VKORC1L1: variants seen among roughly 807,000 people sequenced by gnomAD.
VKORC1L1 encodes the protein vitamin K epoxide reductase complex subunit 1-like protein 1.
In VKORC1L1, 2 loss-of-function variants were observed where a neutral mutation model predicts 18.9. The observed-to-expected ratio is 0.11, with a 90% CI of 0.04 to 0.33. The LOEUF is 0.33. Ranked by LOEUF, VKORC1L1 falls within the 10% of genes least tolerant of loss-of-function variation. The pLI is 1.00. For missense variants in VKORC1L1, 123 were observed against 224.1 expected (o/e 0.55, Z 2.88); for synonymous variants, 96 against 100.0 (o/e 0.96, Z 0.24).
intron 1 of VKORC1L1, among the ~76,000 whole-genome samples, chr7:65,933,173 TGTA>T (rs1789886890): frequency 6.6e-6 from 1 of 151,910 alleles, no homozygotes; most frequent in Non-Finnish European, 1.5e-5. Context: ...TCTTCAGACC[TGTA>T]TCCTTTCTGA....
At chr7:65,929,685 TA>T (rs1489436770) in intron 1 of VKORC1L1, among the ~76,000 whole-genome samples, 1 of 145,660 alleles carries the variant, frequency 6.9e-6, no homozygotes, top group Non-Finnish European at 1.5e-5. Context: ...TGTGTGTGTA[TA>T]TATATATATA....
chr7:65,917,591 CAT>C (rs530341975), intron 1 of VKORC1L1, among the ~76,000 whole-genome samples: 1 of 151,880 alleles, frequency 6.6e-6, no homozygotes, highest in Non-Finnish European at 1.5e-5. Context: ...AAATATGAAA[CAT>C]ACAGAAAACT....
chr7:65,886,713 A>T (rs1440088791), intron 1 of VKORC1L1, among the ~76,000 whole-genome samples: 1 of 148,492 alleles, frequency 6.7e-6, no homozygotes, highest in Non-Finnish European at 1.5e-5. Context: ...AATTTTTTAT[A>T]TTTTTAGTAG....
At position 65,940,783 on chromosome 7, in the gene VKORC1L1, A is replaced by G. The variant is rs568051904; in HGVS notation, c.195-7888A>G. 2.2e-4 allele frequency among the ~76,000 whole-genome samples: 33 copies of G among 152,352 alleles called. No homozygotes were observed. In the South Asian group the frequency reaches 6.8e-3, roughly 32 times the overall value. ...ATAAATTCATAACTCCATGAAAAGC[A>G]ATTTGTGCTCAAAAGGAAATATGAT... On this transcript the variant is annotated intron_variant, in intron 1 of 2. Coordinates refer to ENST00000360768, the MANE Select transcript of VKORC1L1 (RefSeq NM_173517.6).
chr7:65,884,596 C>T (rs571984291), intron 1 of VKORC1L1, among the ~76,000 whole-genome samples: 1 of 152,286 alleles, frequency 6.6e-6, no homozygotes, highest in African/African-American at 2.4e-5. Flanking sequence ...GAGATCATGC[C>T]ATTGTACTTC....
At chr7:65,894,499 C>T (rs1562986065) in intron 1 of VKORC1L1, among the ~76,000 whole-genome samples, 1 of 152,234 alleles carries the variant, frequency 6.6e-6, no homozygotes, top group Admixed American at 6.5e-5. Context: ...GAGGCCAAGG[C>T]AGGTGGATCA....
chr7:65,948,244 A>G (rs1790154499), intron 1 of VKORC1L1, among the ~76,000 whole-genome samples: 1 of 151,904 alleles, frequency 6.6e-6, no homozygotes, highest in Non-Finnish European at 1.5e-5. Flanking sequence ...TTAGTTATGT[A>G]ATGCACAGAA....
chr7:65,920,146 T>C (rs963934188), intron 1 of VKORC1L1, among the ~76,000 whole-genome samples: 1 of 152,108 alleles, frequency 6.6e-6, no homozygotes, highest in African/African-American at 2.4e-5. Context: ...CAGCGAGGCC[T>C]CCTCACCTCA....
In VKORC1L1 at chr7:65,879,564, C is replaced by T. The variant is rs572831582; in HGVS notation, c.194+5999C>T. Among the ~76,000 whole-genome samples the T allele has an allele frequency of 5.4e-4, 82 of 152,286 alleles. 1 individual carries two copies. The highest frequency in any genetic ancestry group is 1.3e-3 in the African/African-American group (53 of 41,566). On this transcript the variant is annotated intron_variant, in intron 1 of 2. Transcript: ENST00000360768. ...GAAAACTGAGCAACGCAGACTAACA[C>T]TTGATCCAGGTAGTACAGTGGCAGA...
intron 1 of VKORC1L1, among the ~76,000 whole-genome samples, chr7:65,938,159 GA>G (rs1278416825): frequency 1.3e-5 from 2 of 151,966 alleles, no homozygotes; most frequent in Non-Finnish European, 2.9e-5. Flanking sequence ...AGTGAGCAGA[GA>G]TCAAGCCGCT....
chr7:65,880,109 C>T (rs1459125677), intron 1 of VKORC1L1, among the ~76,000 whole-genome samples: 3 of 152,140 alleles, frequency 2.0e-5, no homozygotes, highest in African/African-American at 7.2e-5. Flanking sequence ...CCCACTTGGC[C>T]TCCCAAAGTG....
chr7:65,869,830 T>C (rs1788704472), upstream of VKORC1L1, among the ~76,000 whole-genome samples: 1 of 151,700 alleles, frequency 6.6e-6, no homozygotes, highest in Admixed American at 6.6e-5. Context: ...TGTATTTTTA[T>C]TTTTTGTAGA....
At chr7:65,912,343 G>A (rs1026783095) in intron 1 of VKORC1L1, among the ~76,000 whole-genome samples, 14 of 152,294 alleles carry the variant, frequency 9.2e-5, no homozygotes, top group African/African-American at 3.1e-4. Context: ...TCTCCAGGAA[G>A]CCACCAGGAA....
chr7:65,893,107 C>T (rs190122308), intron 1 of VKORC1L1, among the ~76,000 whole-genome samples: 2 of 152,280 alleles, frequency 1.3e-5, no homozygotes, highest in East Asian at 1.9e-4. Flanking sequence ...AGGAGATTTC[C>T]AAAACATATC....
At chr7:65,869,308 A>G (rs1788696596), upstream of VKORC1L1, among the ~76,000 whole-genome samples, 1 of 152,192 alleles carries the variant, frequency 6.6e-6, no homozygotes, top group African/African-American at 2.4e-5. Context: ...AGCTAAAAAA[A>G]AAATTTATAA....
chr7:65,943,810 A>C (rs528996023), intron 1 of VKORC1L1, among the ~76,000 whole-genome samples: 4 of 152,192 alleles, frequency 2.6e-5, no homozygotes, highest in Admixed American at 6.5e-5. Context: ...ATAAATAAAT[A>C]AAAATAAAGA....
intron 1 of VKORC1L1, among the ~76,000 whole-genome samples, chr7:65,933,453 G>T (rs570250731): frequency 1.5e-4 from 23 of 151,268 alleles, no homozygotes; most frequent in South Asian, 8.4e-4. Context: ...GGTACCTTTT[G>T]TTTTTTTTCT....
intron 1 of VKORC1L1, among the ~76,000 whole-genome samples, chr7:65,894,262 T>A (rs1166596265): frequency 1.3e-5 from 2 of 151,772 alleles, no homozygotes; most frequent in African/African-American, 4.8e-5. Context: ...GCCAAAATTT[T>A]TTTTTTTTAA....
chr7:65,870,486 T>C (rs1453123845), upstream of VKORC1L1, among the ~76,000 whole-genome samples: 1 of 152,102 alleles, frequency 6.6e-6, no homozygotes, highest in Non-Finnish European at 1.5e-5. Context: ...CAAAGGTCAT[T>C]TATAGAATGT....
Sources: gnomAD v4.1 joint callset for allele counts (sites outside exome capture counted in the v4.1 genomes callset) on GRCh38, gnomAD v4.1.1 for gene constraint, MANE v1.5 for transcripts, NCBI Gene and HGNC (gene_info 2026-07-23, HGNC 2026-07-21) for gene names.